Variants in LDLRAD4 observed in about 807,000 individuals in gnomAD.
LDLRAD4 encodes the protein low-density lipoprotein receptor class A domain-containing protein 4.
A neutral mutation model predicts 17.0 loss-of-function variants in LDLRAD4; 5 were observed. That is an observed-to-expected ratio of 0.29 (90% CI 0.15 to 0.62). LDLRAD4 has a LOEUF of 0.62. LDLRAD4 is among the 20% of genes least tolerant of loss of function. The pLI, the probability that LDLRAD4 is intolerant of heterozygous loss-of-function variation, is 0.84. For synonymous variants in LDLRAD4, 168 were observed against 171.8 expected (o/e 0.98, Z 0.17); for missense variants, 340 against 424.7 (o/e 0.80, Z 1.75).
chr18:13,642,572 C>A, intron 4 of LDLRAD4: 1 of 1,228,586 alleles, frequency 8.1e-7, no homozygotes, highest in South Asian at 4.2e-5. Context: ...GCTGGAGGAT[C>A]CTGAGCCCAG....
At chr18:13,512,512 C>T (rs2093798151) in intron 3 of LDLRAD4, among the ~76,000 whole-genome samples, 1 of 152,142 alleles carries the variant, frequency 6.6e-6, no homozygotes, top group Non-Finnish European at 1.5e-5. Context: ...ATATTATGTT[C>T]CTAATAGTTT....
chr18:13,634,659 C>A (rs1459422840), intron 4 of LDLRAD4, among the ~76,000 whole-genome samples: 1 of 151,752 alleles, frequency 6.6e-6, no homozygotes, highest in Non-Finnish European at 1.5e-5. Context: ...AGTGTACAGA[C>A]TTCAGTGTAA....
intron 2 of LDLRAD4, 21 bp from the exon 4 acceptor site, chr18:13,438,223 C>T: frequency 6.2e-7 from 1 of 1,612,452 alleles, no homozygotes; most frequent in Non-Finnish European, 8.5e-7. Flanking sequence ...CTGCTCCATG[C>T]TTTATATTGT....
At chr18:13,322,456 C>T (rs1186760936) in intron 1 of LDLRAD4, among the ~76,000 whole-genome samples, 15 of 149,806 alleles carry the variant, frequency 1.0e-4, no homozygotes, top group Admixed American at 2.7e-4. Flanking sequence ...TGTACCACGA[C>T]GCCCAGCTAA....
At chr18:13,537,298 T>C (rs955450289) in intron 3 of LDLRAD4, among the ~76,000 whole-genome samples, 1 of 152,222 alleles carries the variant, frequency 6.6e-6, no homozygotes, top group Non-Finnish European at 1.5e-5. Context: ...CTAGGGTATA[T>C]GGCAGCAGTC....
At chr18:13,269,950 G>A (rs761721121) in intron 1 of LDLRAD4, among the ~76,000 whole-genome samples, 22 of 152,324 alleles carry the variant, frequency 1.4e-4, no homozygotes, top group East Asian at 9.7e-4. Context: ...TCTTGCTGCT[G>A]TGGATTTGAA....
Position 13,518,060 on chromosome 18 carries a change from C to G in LDLRAD4, c.181+79676C>G, listed in dbSNP as rs76664538. Among the ~76,000 whole-genome samples the G allele has an allele frequency of 1.4e-3, 212 of 152,194 alleles. 1 individual carries two copies. The highest frequency in any genetic ancestry group is 0.014 in the East Asian group (71 of 5,186). On this transcript the variant is annotated intron_variant, in intron 3 of 5. Transcript: ENST00000359446. ...TGACTTTCTTTTCTTTTCTTTTTGTCCTGTTTGTTATTTTGTGAGATTCCT... is the reference window on the plus strand; with the variant it reads ...TGACTTTCTTTTCTTTTCTTTTTGTGCTGTTTGTTATTTTGTGAGATTCCT...
intron 1 of LDLRAD4, among the ~76,000 whole-genome samples, chr18:13,267,000 C>T (rs2044257406): frequency 2.0e-5 from 3 of 152,208 alleles, no homozygotes; most frequent in South Asian, 2.1e-4. Context: ...TCTGAGTTCA[C>T]GCCTAGGTCT....
At chr18:13,297,247 A>C (rs1285882997) in intron 1 of LDLRAD4, among the ~76,000 whole-genome samples, 1 of 152,130 alleles carries the variant, frequency 6.6e-6, no homozygotes. Flanking sequence ...GGGCCTCTGC[A>C]TTTTGGAAGG....
chr18:13,478,557 A>G (rs972145168), intron 3 of LDLRAD4, among the ~76,000 whole-genome samples: 2 of 152,270 alleles, frequency 1.3e-5, no homozygotes, highest in Admixed American at 1.3e-4. Context: ...AAGAAATTAA[A>G]TACTTAGGTA....
At chr18:13,578,052 G>GGGGA in intron 3 of LDLRAD4, among the ~76,000 whole-genome samples, 1 of 152,158 alleles carries the variant, frequency 6.6e-6, no homozygotes, top group Admixed American at 6.5e-5. Context: ...GGGGCAAGCA[G>GGGGA]GGGAGGGAGA....
intron 3 of LDLRAD4, among the ~76,000 whole-genome samples, chr18:13,610,305 T>TTTTTTTTTTTTTC (rs1491536129): frequency 0.014 from 338 of 24,356 alleles, 111 homozygotes; most frequent in Non-Finnish European, 0.021. Context: ...TTTTTTTTTT[T>TTTTTTTTTTTTTC]GAGACGGAGT....
intron 1 of LDLRAD4, among the ~76,000 whole-genome samples, chr18:13,226,180 C>CTTTTTTCTTTTTTTTT (rs2041783250): frequency 1.9e-5 from 1 of 52,188 alleles, no homozygotes; most frequent in Non-Finnish European, 3.3e-5. Context: ...CCATGCCTTG[C>CTTTTTTCTTTTTTTTT]TTTTTTTTTT....
intron 3 of LDLRAD4, among the ~76,000 whole-genome samples, chr18:13,609,518 CGTGTGTGTGTGCGTGTGTGT>C (rs1274908259): frequency 1.7e-5 from 2 of 117,412 alleles, no homozygotes; most frequent in African/African-American, 6.5e-5. Flanking sequence ...GCTCATTATG[CGTGTGTGTGTGCGTGTGTGT>C]GTGTGTGTGT....
rs2046534774 is a variant in LDLRAD4, at chr18:13,300,565, TCTC to T, written c.-383+22380_-383+22382del. On this transcript the variant is annotated intron_variant, in intron 1 of 5. Transcript: ENST00000359446. This position sits in a 1 kb window ranked among gnomAD's most constrained non-coding sequence, Gnocchi z 4.2. Reference sequence around the variant, plus strand: ...GTAGAGATACCCGGAACCCTCTCCTTCTCCTGGCTTATTTCGGGGTGGGTGTGT... The same window carrying T: ...GTAGAGATACCCGGAACCCTCTCCTTCTGGCTTATTTCGGGGTGGGTGTGT... 6.6e-6 allele frequency among the ~76,000 whole-genome samples: 1 copy of T among 152,186 alleles called. No individual in the cohort carries two copies. The highest frequency in any genetic ancestry group is 1.5e-5 in the Non-Finnish European group (1 of 68,032).
At chr18:13,384,761 T>G (rs1237859025) in intron 1 of LDLRAD4, among the ~76,000 whole-genome samples, 2 of 152,256 alleles carry the variant, frequency 1.3e-5, no homozygotes, top group Non-Finnish European at 2.9e-5. Flanking sequence ...CCTGGCTTAT[T>G]TCATTTGGCA....
At chr18:13,589,559 C>T (rs1055709414) in intron 3 of LDLRAD4, among the ~76,000 whole-genome samples, 1 of 152,302 alleles carries the variant, frequency 6.6e-6, no homozygotes, top group Middle Eastern at 3.4e-3. Flanking sequence ...ACTGTGTCCT[C>T]TTACACAGGA....
intron 1 of LDLRAD4, among the ~76,000 whole-genome samples, chr18:13,314,979 G>T (rs2080850792): frequency 6.6e-6 from 1 of 152,154 alleles, no homozygotes. Flanking sequence ...CTTCCAGAAT[G>T]CTGGGATAAC....
At chr18:13,318,815 G>C (rs1395630731) in intron 1 of LDLRAD4, among the ~76,000 whole-genome samples, 1 of 152,180 alleles carries the variant, frequency 6.6e-6, no homozygotes, top group African/African-American at 2.4e-5. Context: ...CTCCTGTCTG[G>C]TGGGTGTGTG....
Sources: gnomAD v4.1 joint callset for allele counts (sites outside exome capture counted in the v4.1 genomes callset) on GRCh38, gnomAD v4.1.1 for gene constraint, Gnocchi (gnomAD v3.1) non-coding constraint, MANE v1.5 for transcripts, NCBI Gene and HGNC (gene_info 2026-07-23, HGNC 2026-07-21) for gene names.